The following CSMD1 variants were observed in gnomAD, a reference collection of about 807,000 sequenced individuals.
CSMD1 encodes CUB and Sushi multiple domains 1.
CSMD1 carries 213 observed loss-of-function variants against 417.5 expected under a neutral mutation model. The ratio of observed to expected loss-of-function variants is 0.51; its 90% confidence interval spans 0.46 to 0.57. CSMD1 has a LOEUF of 0.57. Among genes scored for constraint, CSMD1 ranks in the 20% least tolerant of loss-of-function variants. CSMD1 has a pLI of 0.00. For synonymous variants in CSMD1, 2,862 were observed against 1,736.8 expected, an observed-to-expected ratio of 1.65 and a Z score of -16.11; for missense variants, 6,923 against 4,529.7, an observed-to-expected ratio of 1.53 and a Z score of -15.17.
At position 4,078,371 on chromosome 8, in the gene CSMD1, G is replaced by C. The variant is rs369438675; in HGVS notation, c.416-46272C>G. On this transcript the variant is annotated intron_variant, in intron 3 of 69. Coordinates refer to ENST00000635120, the MANE Select transcript of CSMD1 (RefSeq NM_033225.6). ...GCTCTGTGTCGCAGGCTGGAGTGCA[G>C]TGGCGTGATCTCGACTCACTGCAAG... 3.2e-4 allele frequency among the ~76,000 whole-genome samples: 46 copies of C among 144,700 alleles called. 2 individuals are homozygous for C. The highest frequency in any genetic ancestry group is 1.1e-3 in the African/African-American group (44 of 38,346). 94.9% of individuals were successfully genotyped at this position (144,700 alleles called of 152,430 possible).
intron 1 of CSMD1, among the ~76,000 whole-genome samples, chr8:4,815,840 A>C (rs1222896701): frequency 6.6e-6 from 1 of 152,122 alleles, no homozygotes; most frequent in Non-Finnish European, 1.5e-5. Context: ...TTGGCTCCCA[A>C]GAAGGGCTGT....
At chr8:4,239,994 A>G (rs751846115) in intron 3 of CSMD1, among the ~76,000 whole-genome samples, 8 of 152,360 alleles carry the variant, frequency 5.3e-5, no homozygotes, top group South Asian at 4.1e-4. Context: ...TTAAAAATAC[A>G]TAAGGCGTGT....
At chr8:4,799,482 C>T (rs963455466) in intron 1 of CSMD1, among the ~76,000 whole-genome samples, 1 of 151,440 alleles carries the variant, frequency 6.6e-6, no homozygotes. Context: ...GCCTGTAGCC[C>T]CAGCTACTCT....
At chr8:4,660,742 A>C (rs1035409953) in intron 1 of CSMD1, among the ~76,000 whole-genome samples, 2 of 152,094 alleles carry the variant, frequency 1.3e-5, no homozygotes, top group Admixed American at 1.3e-4. Context: ...AAGGACTAAC[A>C]TCTCTAATCT....
At chr8:4,185,179 C>G (rs367839007) in intron 3 of CSMD1, among the ~76,000 whole-genome samples, 1 of 139,442 alleles carries the variant, frequency 7.2e-6, no homozygotes, top group African/African-American at 2.7e-5. Context: ...GAAGAAAAAA[C>G]CAAAAAGAAA....
At chr8:3,742,125 T>C (rs1796837805) in intron 6 of CSMD1, among the ~76,000 whole-genome samples, 1 of 152,156 alleles carries the variant, frequency 6.6e-6, no homozygotes, top group African/African-American at 2.4e-5. Flanking sequence ...CATCAGTCTA[T>C]TTGTCTATCC....
At chr8:4,990,719 G>A (rs11776485) in intron 1 of CSMD1, among the ~76,000 whole-genome samples, 2,281 of 152,188 alleles carry the variant, frequency 0.015, 23 homozygotes, top group South Asian at 0.036. Context: ...CTTCACAGGA[G>A]TGTCCTGGCT....
rs558015360 is a variant in CSMD1, at chr8:4,059,906, C to T, written c.416-27807G>A. Among the ~76,000 whole-genome samples, 125 of 151,734 alleles carry T rather than the reference C, an allele frequency of 8.2e-4. 2 individuals are homozygous for T. Among genetic ancestry groups the T allele is most frequent in the African/African-American group, 3.0e-3 (122 of 41,352 alleles). On this transcript the variant is annotated intron_variant, in intron 3 of 69. Transcript: ENST00000635120. ...CCATTCCTTCTGAAACTATTCCAAT[C>T]AATAGAAAAAGAGGGAATCCTCCCT...
At chr8:3,101,629 G>A (rs1815752312) in intron 46 of CSMD1, among the ~76,000 whole-genome samples, 1 of 151,884 alleles carries the variant, frequency 6.6e-6, no homozygotes, top group East Asian at 1.9e-4. Context: ...TTTTCACCAT[G>A]TTACCCAGGA....
intron 3 of CSMD1, among the ~76,000 whole-genome samples, chr8:4,085,254 C>T (rs1227974507): frequency 6.6e-6 from 1 of 152,122 alleles, no homozygotes; most frequent in Non-Finnish European, 1.5e-5. Flanking sequence ...GACAGAGCTT[C>T]TTCCCCAAAA....
chr8:3,407,754 A>G (rs1034787569), intron 14 of CSMD1, 145 bp downstream of exon 14: 10 of 759,564 alleles, frequency 1.3e-5, no homozygotes, highest in Middle Eastern at 3.4e-4. Flanking sequence ...GGATAACACT[A>G]TAATTTTACT....
chr8:4,355,468 A>T (rs140973247), intron 3 of CSMD1, among the ~76,000 whole-genome samples: 21 of 152,196 alleles, frequency 1.4e-4, no homozygotes, highest in African/African-American at 5.1e-4. Context: ...AATAGCTCAA[A>T]CTCATTTTTA....
At chr8:3,841,511 G>A (rs1399606818) in intron 5 of CSMD1, among the ~76,000 whole-genome samples, 2 of 152,056 alleles carry the variant, frequency 1.3e-5, no homozygotes, top group Non-Finnish European at 2.9e-5. Flanking sequence ...TATGATTTGT[G>A]GGGATGTCTA....
rs772024655 is a variant in CSMD1, at chr8:3,118,542, C to G, written c.6287G>C (p.Gly2096Ala). ...NCPDPPPFQN[G>A]YMINSDYSVG... is the part of the protein sequence containing the mutation. ...GCTGTAATCCGAGTTGATCATGTAC[C>G]CATTCTGAAATGGGGGTGGATCTGG... is the stretch of plus-strand genomic sequence containing the variant. Residue 2096 changes from glycine (G) to alanine (A), a missense_variant, in exon 42 of 70, where the codon GGG becomes GCG. Transcript: ENST00000635120. The G allele has an allele frequency of 1.9e-5, 31 of 1,613,648 alleles. No individual in the cohort carries two copies. The highest frequency in any genetic ancestry group is 2.5e-5 in the Non-Finnish European group (30 of 1,179,834).
At position 3,514,122 on chromosome 8, in the gene CSMD1, A is replaced by T. The variant is rs1232383681; in HGVS notation, c.1345-20396T>A. ...CTTCTCTTGGCAGATAGGAGGCTCA[A>T]ATCAATCTCTCCGTAATCACTTCTG... On this transcript the variant is annotated intron_variant, in intron 10 of 69. Transcript: ENST00000635120. 2.6e-5 allele frequency among the ~76,000 whole-genome samples: 4 copies of T among 152,086 alleles called. No individual in the cohort carries two copies. The South Asian group carries it at 8.3e-4, about 32-fold the overall frequency.
intron 6 of CSMD1, among the ~76,000 whole-genome samples, chr8:3,752,234 A>T (rs1034552290): frequency 6.7e-6 from 1 of 150,368 alleles, no homozygotes; most frequent in Non-Finnish European, 1.5e-5. Context: ...GTGAAGGGAA[A>T]GCACATTAAT....
intron 51 of CSMD1, among the ~76,000 whole-genome samples, chr8:3,023,706 G>T (rs964061350): frequency 1.3e-5 from 2 of 152,066 alleles, no homozygotes; most frequent in Non-Finnish European, 2.9e-5. Context: ...ATTAATAGGT[G>T]ATCAAGGCTC....
intron 3 of CSMD1, among the ~76,000 whole-genome samples, chr8:4,199,303 G>C (rs1284301802): frequency 6.6e-6 from 1 of 152,124 alleles, no homozygotes; most frequent in Non-Finnish European, 1.5e-5. Flanking sequence ...GGCAGTGTAT[G>C]GGTGCTTTTT....
chr8:4,052,397 A>G (rs184587813), intron 3 of CSMD1, among the ~76,000 whole-genome samples: 36 of 152,298 alleles, frequency 2.4e-4, no homozygotes, highest in Admixed American at 2.4e-3. Context: ...GCAAAGACCT[A>G]TTTCTCCAAG....
Sources: allele counts gnomAD v4.1 joint callset (sites outside exome capture counted in the v4.1 genomes callset), GRCh38; gene constraint gnomAD v4.1.1; transcripts MANE v1.5; gene names NCBI Gene and HGNC (gene_info 2026-07-23, HGNC 2026-07-21).